KAZN: variants seen among roughly 807,000 people sequenced by gnomAD.
KAZN encodes the protein kazrin.
A neutral mutation model predicts 87.4 loss-of-function variants in KAZN; 40 were observed. That is an observed-to-expected ratio of 0.46 (90% confidence interval 0.36 to 0.60). The LOEUF (loss-of-function observed/expected upper bound fraction) is 0.60. Among genes scored for constraint, KAZN ranks in the 20% least tolerant of loss-of-function variants. KAZN has a pLI of 0.00. For synonymous variants in KAZN, 466 were observed against 458.3 expected, an observed-to-expected ratio of 1.02 and a Z score of -0.22; for missense variants, 898 against 1,073.9, an observed-to-expected ratio of 0.84 and a Z score of 2.29.
chr1:14,665,729 C>T (rs1639493385), intron 1 of KAZN, among the ~76,000 whole-genome samples: 1 of 152,108 alleles, frequency 6.6e-6, no homozygotes, highest in South Asian at 2.1e-4. Flanking sequence ...CCATTAGACA[C>T]TGGACTTGGC....
At chr1:14,867,554 T>G (rs1462653435) in intron 1 of KAZN, among the ~76,000 whole-genome samples, 3 of 152,198 alleles carry the variant, frequency 2.0e-5, no homozygotes, top group Non-Finnish European at 4.4e-5. Context: ...ACTACTAGCT[T>G]CCATCTCGCA....
intron 2 of KAZN, among the ~76,000 whole-genome samples, chr1:14,478,798 C>A (rs985288343): frequency 1.3e-5 from 2 of 152,206 alleles, no homozygotes; most frequent in Admixed American, 1.3e-4. Flanking sequence ...AACACTTGGG[C>A]TCTGCTGTGG....
At chr1:14,696,369 C>T (rs1166512691) in intron 1 of KAZN, among the ~76,000 whole-genome samples, 1 of 152,152 alleles carries the variant, frequency 6.6e-6, no homozygotes, top group African/African-American at 2.4e-5. Context: ...ACGTTCTGGG[C>T]AGAGGGGACA....
chr1:14,797,941 AC>A (rs1269124804), intron 1 of KAZN, among the ~76,000 whole-genome samples: 1 of 152,092 alleles, frequency 6.6e-6, no homozygotes, highest in East Asian at 1.9e-4. Context: ...GTGCCAAGGA[AC>A]CCTTCTTGGT....
chr1:14,261,824 C>T (rs1651040050), intron 2 of KAZN, among the ~76,000 whole-genome samples: 1 of 152,090 alleles, frequency 6.6e-6, no homozygotes. Context: ...CAGTCTTTCT[C>T]CTTGCTTCTG....
intron 2 of KAZN, among the ~76,000 whole-genome samples, chr1:14,467,210 A>T (rs1020121870): frequency 6.6e-6 from 1 of 152,150 alleles, no homozygotes; most frequent in African/African-American, 2.4e-5. Context: ...GCTTTATTTG[A>T]AGCAAAGTTT....
Position 14,883,156 on chromosome 1 carries a change from G to C in KAZN, c.227-77528G>C, listed in dbSNP as rs1213496850. 9.2e-5 allele frequency among the ~76,000 whole-genome samples: 14 copies of C among 151,764 alleles called. No homozygotes were observed. In the South Asian group the frequency reaches 2.9e-3, roughly 32 times the overall value. On this transcript the variant is annotated intron_variant, in intron 1 of 14. Transcript: ENST00000376030. ...ACTAAAAATACAAAATTAGCTGGGCGTGATGGCACATGCCTGTAATCCCAG... is the reference window on the plus strand; with the variant it reads ...ACTAAAAATACAAAATTAGCTGGGCCTGATGGCACATGCCTGTAATCCCAG...
chr1:14,298,004 T>C (rs1437225227), intron 2 of KAZN, among the ~76,000 whole-genome samples: 1 of 152,032 alleles, frequency 6.6e-6, no homozygotes, highest in Non-Finnish European at 1.5e-5. Flanking sequence ...GGCAGGCAGA[T>C]TGTTGAGCTC....
chr1:14,450,500 G>A (rs1450111933), intron 2 of KAZN, among the ~76,000 whole-genome samples: 1 of 152,124 alleles, frequency 6.6e-6, no homozygotes, highest in East Asian at 1.9e-4. Context: ...TGAGACAGGA[G>A]AATTGCATGA....
chr1:14,441,363 A>AGCAGCGGCAGCG (rs575713289), intron 2 of KAZN, among the ~76,000 whole-genome samples: 1 of 152,020 alleles, frequency 6.6e-6, no homozygotes, highest in African/African-American at 2.4e-5. Flanking sequence ...TGTTCCGGGC[A>AGCAGCGGCAGCG]GCAGCGGCAG....
At chr1:14,626,693 T>C (rs1265281541) in intron 1 of KAZN, among the ~76,000 whole-genome samples, 1 of 152,138 alleles carries the variant, frequency 6.6e-6, no homozygotes, top group Non-Finnish European at 1.5e-5. Flanking sequence ...CAGCCTCAAC[T>C]CCTTACCGTG....
intron 2 of KAZN, among the ~76,000 whole-genome samples, chr1:14,995,845 A>T (rs924947620): frequency 1.3e-5 from 2 of 152,112 alleles, no homozygotes; most frequent in African/African-American, 4.8e-5. Flanking sequence ...AAAACTGGTG[A>T]CCGACAGAGA....
chr1:14,098,365 G>C (rs1644175779), intron 1 of KAZN, among the ~76,000 whole-genome samples: 1 of 152,152 alleles, frequency 6.6e-6, no homozygotes, highest in African/African-American at 2.4e-5. Context: ...TCAAGTAGAT[G>C]ATTAAATGGG....
At chr1:14,846,694 G>A (rs1220027130) in intron 1 of KAZN, among the ~76,000 whole-genome samples, 2 of 152,122 alleles carry the variant, frequency 1.3e-5, no homozygotes, top group African/African-American at 2.4e-5. Flanking sequence ...GAATCAGGGG[G>A]GAGTTATCAT....
intron 1 of KAZN, among the ~76,000 whole-genome samples, chr1:14,626,705 C>T (rs1221522154): frequency 6.6e-6 from 1 of 152,190 alleles, no homozygotes; most frequent in East Asian, 1.9e-4. Context: ...CTTACCGTGG[C>T]TCCTGAGGCA....
chr1:14,413,929 G>A (rs1035634428), intron 2 of KAZN, among the ~76,000 whole-genome samples: 1 of 152,160 alleles, frequency 6.6e-6, no homozygotes, highest in African/African-American at 2.4e-5. Context: ...TGGCTTCTAA[G>A]CATATAAAAA....
intron 1 of KAZN, among the ~76,000 whole-genome samples, chr1:14,933,459 G>A (rs929428221): frequency 6.6e-6 from 1 of 152,060 alleles, no homozygotes; most frequent in Non-Finnish European, 1.5e-5. Flanking sequence ...ACCACATCTG[G>A]AAGTACCTTG....
chr1:14,867,556 C>T (rs1300137529), intron 1 of KAZN, among the ~76,000 whole-genome samples: 1 of 152,178 alleles, frequency 6.6e-6, no homozygotes, highest in Admixed American at 6.5e-5. Context: ...TACTAGCTTC[C>T]ATCTCGCAAG....
intron 1 of KAZN, among the ~76,000 whole-genome samples, chr1:14,085,146 G>C (rs943054368): frequency 6.6e-6 from 1 of 152,086 alleles, no homozygotes; most frequent in Non-Finnish European, 1.5e-5. Flanking sequence ...TGTCATCTTA[G>C]AACAAATCCA....
Sources: allele counts gnomAD v4.1 joint callset (sites outside exome capture counted in the v4.1 genomes callset), GRCh38; gene constraint gnomAD v4.1.1; transcripts MANE v1.5; gene names NCBI Gene and HGNC (gene_info 2026-07-23, HGNC 2026-07-21).